PHTF2: variants seen among roughly 807,000 people sequenced by gnomAD.
PHTF2 encodes protein PHTF2.
A neutral mutation model predicts 101.2 loss-of-function variants in PHTF2; 60 were observed. The ratio of observed to expected loss-of-function variants is 0.59; its 90% CI spans 0.48 to 0.73. The LOEUF (loss-of-function observed/expected upper bound fraction) is 0.73, where lower values mean the gene tolerates loss of function less well. PHTF2 is among the 30% of genes least tolerant of loss of function. The pLI is 0.00. For synonymous variants in PHTF2, 311 were observed against 307.3 expected (o/e 1.01, Z -0.13); for missense variants, 747 against 908.7 (o/e 0.82, Z 2.29).
At chr7:77,901,217 C>T (rs1347762703) in intron 6 of PHTF2, among the ~76,000 whole-genome samples, 2 of 152,234 alleles carry the variant, frequency 1.3e-5, no homozygotes, top group Non-Finnish European at 2.9e-5. Context: ...AATTCAATAT[C>T]AGATTTGAAT....
intron 1 of PHTF2, among the ~76,000 whole-genome samples, chr7:77,801,851 T>G (rs1458342502): frequency 6.6e-6 from 1 of 152,228 alleles, no homozygotes; most frequent in Non-Finnish European, 1.5e-5. Flanking sequence ...AGTCTGGATT[T>G]GAATTCCTAT....
intron 1 of PHTF2, among the ~76,000 whole-genome samples, chr7:77,837,449 A>G (rs1162749097): frequency 6.6e-6 from 1 of 152,200 alleles, no homozygotes; most frequent in Non-Finnish European, 1.5e-5. Flanking sequence ...TGGTTCAGAA[A>G]TCTATCTTAG....
At chr7:77,914,688 CA>C (rs1364634706) in intron 9 of PHTF2, among the ~76,000 whole-genome samples, 1 of 152,132 alleles carries the variant, frequency 6.6e-6, no homozygotes, top group Non-Finnish European at 1.5e-5. Flanking sequence ...TTGTCTCTAA[CA>C]TCCCTCAGAA....
At chr7:77,940,275 C>G (rs1409442902) in exon 14 of PHTF2, 1 of 1,613,076 alleles carries the variant, frequency 6.2e-7, no homozygotes, top group South Asian at 1.1e-5. Flanking sequence ...TTTTTTTGCT[C>G]TGTGTAGCAG....
intron 3 of PHTF2, among the ~76,000 whole-genome samples, chr7:77,870,779 A>G (rs1458295265): frequency 6.6e-6 from 1 of 152,198 alleles, no homozygotes; most frequent in African/African-American, 2.4e-5. Flanking sequence ...AATAAAGACA[A>G]TAATAAGCCT....
At chr7:77,956,259 A>G (rs1806985094) in exon 20 of PHTF2, 2 of 152,572 alleles carry the variant, frequency 1.3e-5, no homozygotes, top group South Asian at 4.1e-4. Context: ...TTTTTACCAT[A>G]TTTTAAGAAC....
chr7:77,848,649 A>G (rs557111632), intron 2 of PHTF2, among the ~76,000 whole-genome samples: 1 of 152,180 alleles, frequency 6.6e-6, no homozygotes, highest in East Asian at 1.9e-4. Context: ...ATTTTCTATC[A>G]TTCTGTAGGT....
intron 1 of PHTF2, among the ~76,000 whole-genome samples, chr7:77,830,574 G>A (rs556869505): frequency 3.9e-4 from 59 of 152,268 alleles, no homozygotes; most frequent in African/African-American, 1.3e-3. Context: ...GAGAGATCTC[G>A]GTTGCATGCT....
chr7:77,856,096 T>A (rs1299071738), intron 3 of PHTF2, among the ~76,000 whole-genome samples: 2 of 152,164 alleles, frequency 1.3e-5, no homozygotes, highest in Non-Finnish European at 1.5e-5. Context: ...AAGTTTTTTT[T>A]ACCAGGTGTG....
chr7:77,872,182 T>C (rs1798576001), intron 3 of PHTF2, among the ~76,000 whole-genome samples: 1 of 152,192 alleles, frequency 6.6e-6, no homozygotes, highest in South Asian at 2.1e-4. Flanking sequence ...CCTCCATCCC[T>C]GCCACCATGG....
chr7:77,955,441 G>A (rs1420901934), exon 20 of PHTF2: 1 of 152,536 alleles, frequency 6.6e-6, no homozygotes, highest in African/African-American at 2.4e-5. Flanking sequence ...AGGTCAACAA[G>A]TGCTCTTTGA....
intron 7 of PHTF2, among the ~76,000 whole-genome samples, chr7:77,905,000 T>A (rs889262100): frequency 6.6e-6 from 1 of 152,108 alleles, no homozygotes; most frequent in South Asian, 2.1e-4. Context: ...TTTTTTTTAA[T>A]TTTTTTAAAG....
At chr7:77,799,585 A>G (rs1431798478) in intron 1 of PHTF2, among the ~76,000 whole-genome samples, 1 of 152,208 alleles carries the variant, frequency 6.6e-6, no homozygotes, top group Non-Finnish European at 1.5e-5. Flanking sequence ...TCTGGAAACA[A>G]TACCGTGCTC....
At chr7:77,843,154 A>G (rs1252052793) in intron 2 of PHTF2, among the ~76,000 whole-genome samples, 1 of 152,192 alleles carries the variant, frequency 6.6e-6, no homozygotes, top group African/African-American at 2.4e-5. Context: ...GCTTCCCCTA[A>G]GTTTCCCCCC....
At chr7:77,924,883 C>T (rs190163073) in intron 11 of PHTF2, among the ~76,000 whole-genome samples, 3 of 151,950 alleles carry the variant, frequency 2.0e-5, no homozygotes, top group African/African-American at 7.2e-5. Flanking sequence ...ATTTAATCCC[C>T]GGTTTTTGCC....
At chr7:77,947,336 C>T (rs1410687848) in intron 16 of PHTF2, among the ~76,000 whole-genome samples, 9 of 151,558 alleles carry the variant, frequency 5.9e-5, no homozygotes, top group South Asian at 2.1e-4. Context: ...CCTACGTGGG[C>T]GGATCACCTG....
At chr7:77,882,192 A>G (rs1799477034) in intron 3 of PHTF2, among the ~76,000 whole-genome samples, 1 of 152,144 alleles carries the variant, frequency 6.6e-6, no homozygotes, top group South Asian at 2.1e-4. Context: ...ACTCATAATG[A>G]ATGGAATCTT....
At chr7:77,831,446 C>CT (rs1224179057) in intron 1 of PHTF2, among the ~76,000 whole-genome samples, 1 of 152,116 alleles carries the variant, frequency 6.6e-6, no homozygotes, top group Non-Finnish European at 1.5e-5. Context: ...GGCACATGTT[C>CT]TTTTTTCAGC....
intron 2 of PHTF2, among the ~76,000 whole-genome samples, chr7:77,845,373 C>T (rs557510696): frequency 8.1e-4 from 123 of 152,228 alleles, no homozygotes; most frequent in African/African-American, 2.8e-3. Flanking sequence ...CATAGTAAAA[C>T]AGTGAATTTA....
Sources: allele counts gnomAD v4.1 joint callset (sites outside exome capture counted in the v4.1 genomes callset), GRCh38; gene constraint gnomAD v4.1.1; transcripts MANE v1.5; gene names NCBI Gene and HGNC (gene_info 2026-07-23, HGNC 2026-07-21).